The following SNAP47 variants were observed in gnomAD, a reference collection of about 807,000 sequenced individuals.
The protein encoded by SNAP47 is synaptosome associated protein 47, also known as synaptosomal-associated protein 47.
Under a neutral mutation model 31.4 loss-of-function variants are expected in SNAP47, and 20 were observed. That is an observed-to-expected ratio of 0.64 (90% CI 0.45 to 0.93). The LOEUF (loss-of-function observed/expected upper bound fraction) is 0.93, where lower values mean the gene tolerates loss of function less well. Ranked by LOEUF, SNAP47 falls within the 40% of genes least tolerant of loss-of-function variation. SNAP47 has a pLI of 0.00. For synonymous variants in SNAP47, 194 were observed against 213.4 expected (o/e 0.91, Z 0.79); for missense variants, 492 against 528.5 (o/e 0.93, Z 0.68).
At position 227,739,526 on chromosome 1, in the gene SNAP47, C is replaced by T. The variant is rs910277252; in HGVS notation, c.-46+4027C>T. The stretch of plus-strand genomic sequence containing the variant: ...CCTGGAAAGATTGGCCGCACCCTAC[C>T]GCCCCTGTGGGCACACACAGCCACC... On this transcript the variant is annotated intron_variant, in intron 1 of 4. Transcript: ENST00000617596. Among the ~76,000 whole-genome samples the T allele has an allele frequency of 1.4e-4, 21 of 152,182 alleles. 1 individual carries two copies. Among genetic ancestry groups the T allele is most frequent in the Non-Finnish European group, 2.4e-4 (16 of 68,036 alleles).
At position 227,735,525 on chromosome 1, in the gene SNAP47, G is replaced by A. The variant is rs533661414; in HGVS notation, c.-46+26G>A. ...GTGAGCGACGGTGTTGGTCTGTTGGGCGCCCGGCCCAAGCCAAGCCGTAGC... is the reference window on the plus strand; with the variant it reads ...GTGAGCGACGGTGTTGGTCTGTTGGACGCCCGGCCCAAGCCAAGCCGTAGC... On this transcript the variant is annotated intron_variant, in intron 1 of 4. Transcript: ENST00000617596. 13 of 1,374,942 alleles carry A rather than the reference G, an allele frequency of 9.5e-6. No individual in the cohort carries two copies. The East Asian group carries it at 2.9e-4, about 31-fold the overall frequency. 85.2% of individuals were successfully genotyped at this position (1,374,942 alleles called of 1,614,324 possible).
intron 3 of SNAP47, among the ~76,000 whole-genome samples, chr1:227,761,860 C>T (rs569418070): frequency 6.6e-6 from 1 of 152,198 alleles, no homozygotes; most frequent in Non-Finnish European, 1.5e-5. Flanking sequence ...GTGGCGAGCA[C>T]TCCTGTGTTC....
intron 4 of SNAP47, among the ~76,000 whole-genome samples, chr1:227,772,016 C>T (rs772984798): frequency 1.1e-4 from 16 of 152,090 alleles, no homozygotes; most frequent in South Asian, 2.1e-4. Context: ...AGTGCTTGAC[C>T]GAGTGCTGAG....
intron 4 of SNAP47, among the ~76,000 whole-genome samples, chr1:227,775,039 C>T (rs999231606): frequency 6.6e-6 from 1 of 152,176 alleles, no homozygotes; most frequent in Non-Finnish European, 1.5e-5. Flanking sequence ...CTCATTGCCT[C>T]GACCCACCGC....
rs932200876 is a variant in SNAP47 at position 227,748,267 on chromosome 1, A to G, written c.497+34A>G. ...GCTGTGTACACTTTGCAAGGCACAC[A>G]CAGAGTAAGATGCACATGTGTGGAG... On this transcript the variant is annotated intron_variant, in intron 2 of 4. Coordinates refer to ENST00000617596, the MANE Select transcript of SNAP47 (RefSeq NM_053052.4). The G allele has an allele frequency of 1.4e-5, 21 of 1,512,440 alleles. No individual in the cohort carries two copies. In the African/African-American group the frequency reaches 2.1e-4, roughly 15 times the overall value. The allele number at this position is 1,512,440 out of a possible 1,614,324, so 93.7% of individuals were successfully genotyped here.
At chr1:227,756,321 A>T (rs1050466586) in intron 2 of SNAP47, among the ~76,000 whole-genome samples, 1 of 152,266 alleles carries the variant, frequency 6.6e-6, no homozygotes, top group African/African-American at 2.4e-5. Flanking sequence ...TGGATTGTGT[A>T]ACGCGACTCA....
At chr1:227,732,235 G>A, upstream of SNAP47, 1 of 849,342 alleles carries the variant, frequency 1.2e-6, no homozygotes, top group East Asian at 2.6e-5. Flanking sequence ...GGCCTCACCT[G>A]AAAACAGGCA....
rs755913461 is a variant in SNAP47 at position 227,748,175 on chromosome 1, C to G, written c.439C>G (p.Leu147Val). The change falls in exon 2 of 5, where the codon CTG (leucine) becomes GTG (valine). Residue 147 changes from leucine (L) to valine (V), a missense_variant. Leu to Val is a conservative substitution (Grantham distance 32). Coordinates refer to ENST00000617596, the MANE Select transcript of SNAP47 (RefSeq NM_053052.4). The stretch of plus-strand genomic sequence containing the variant: ...GGTCCTGCACCACCAGGGCCAGCAG[C>G]TGGACAGCGTCATGAGAGGCCTGGA... Reference protein sequence around the residue: ...ARVLHHQGQQLDSVMRGLDKM... With the variant: ...ARVLHHQGQQVDSVMRGLDKM... The G allele has an allele frequency of 1.2e-6, 2 of 1,611,802 alleles. No homozygotes were observed. The highest frequency in any genetic ancestry group is 1.3e-5 in the African/African-American group (1 of 75,002).
Position 227,780,722 on chromosome 1 carries a change from A to T in SNAP47, c.*49A>T. ...GTCTCACCCTGCACATCCCGCTGAGATGGAGGGCTGGGCGGCAGTGCCAGG... is the reference window on the plus strand; with the variant it reads ...GTCTCACCCTGCACATCCCGCTGAGTTGGAGGGCTGGGCGGCAGTGCCAGG... On this transcript the variant is annotated 3_prime_UTR_variant, in exon 5 of 5. Coordinates refer to ENST00000617596, the MANE Select transcript of SNAP47 (RefSeq NM_053052.4). 2 of 1,609,270 alleles carry T rather than the reference A, an allele frequency of 1.2e-6. No homozygotes were observed. Among genetic ancestry groups the T allele is most frequent in the South Asian group, 1.1e-5 (1 of 90,748 alleles).
intron 1 of SNAP47, among the ~76,000 whole-genome samples, chr1:227,739,937 G>A (rs1661481341): frequency 6.6e-6 from 1 of 152,228 alleles, no homozygotes; most frequent in Non-Finnish European, 1.5e-5. Context: ...TCCAGGACCT[G>A]GACTGATTGC....
intron 4 of SNAP47, among the ~76,000 whole-genome samples, chr1:227,774,082 C>T (rs984448833): frequency 4.3e-4 from 65 of 152,206 alleles, no homozygotes; most frequent in African/African-American, 1.4e-3. Context: ...TTGTTGAGGG[C>T]TGCCTCCCAG....
chr1:227,735,287 G>A, upstream of SNAP47: 1 of 1,606,042 alleles, frequency 6.2e-7, no homozygotes, highest in Admixed American at 1.7e-5. Context: ...GCTCAGCACG[G>A]GTCGAAGGAC....
chr1:227,750,702 C>T (rs1177964925), intron 2 of SNAP47, among the ~76,000 whole-genome samples: 2 of 152,212 alleles, frequency 1.3e-5, no homozygotes, highest in Non-Finnish European at 2.9e-5. Flanking sequence ...GGACTGAGCC[C>T]TGGCCATAGG....
chr1:227,745,872 G>T (rs948727985), intron 1 of SNAP47: 1 of 152,288 alleles, frequency 6.6e-6, no homozygotes, highest in African/African-American at 2.4e-5. Context: ...TGCTCGCCAC[G>T]CAGGCATTCT....
intron 4 of SNAP47, among the ~76,000 whole-genome samples, chr1:227,772,343 C>T (rs1356449227): frequency 6.6e-6 from 1 of 151,570 alleles, no homozygotes; most frequent in African/African-American, 2.4e-5. Context: ...TCTGCCCCAG[C>T]CCCCCGCCCA....
chr1:227,779,842 C>T (rs889876641), intron 4 of SNAP47, among the ~76,000 whole-genome samples: 3 of 152,134 alleles, frequency 2.0e-5, no homozygotes, highest in Non-Finnish European at 2.9e-5. Flanking sequence ...ATTCCTGGGG[C>T]GGCCCACCCC....
At chr1:227,750,725 G>A (rs1366105611) in intron 2 of SNAP47, among the ~76,000 whole-genome samples, 4 of 152,210 alleles carry the variant, frequency 2.6e-5, no homozygotes, top group Non-Finnish European at 4.4e-5. Context: ...AGGGTGCTGC[G>A]GTCCTGGAGG....
upstream of SNAP47, chr1:227,733,010 G>A (rs780162338): frequency 1.7e-5 from 28 of 1,613,522 alleles, 1 homozygote; most frequent in South Asian, 3.1e-4. Flanking sequence ...AGTTGTGGTT[G>A]ATGGAGATGG....
intron 2 of SNAP47, among the ~76,000 whole-genome samples, chr1:227,754,662 G>A (rs1033738478): frequency 5.9e-5 from 9 of 152,324 alleles, no homozygotes; most frequent in African/African-American, 1.9e-4. Flanking sequence ...TTGTGTGCTT[G>A]GCAGGTCACC....
Sources: gnomAD v4.1 joint callset for allele counts (sites outside exome capture counted in the v4.1 genomes callset) on GRCh38, gnomAD v4.1.1 for gene constraint, MANE v1.5 for transcripts, NCBI Gene and HGNC (gene_info 2026-07-23, HGNC 2026-07-21) for gene names.